Variants in TNK2 observed in about 807,000 individuals in gnomAD.
TNK2 encodes tyrosine kinase non receptor 2, also known as activated CDC42 kinase 1.
In TNK2, 83 loss-of-function variants were observed where a neutral mutation model predicts 101.8. The observed-to-expected ratio is 0.82, with a 90% CI of 0.68 to 0.98. The LOEUF is 0.98. TNK2 is among the 50% of genes least tolerant of loss of function. TNK2 has a pLI of 0.00. For missense variants in TNK2, 1,665 were observed against 1,483.2 expected, an observed-to-expected ratio of 1.12 and a Z score of -2.01; for synonymous variants, 804 against 633.0, an observed-to-expected ratio of 1.27 and a Z score of -4.06.
In TNK2 at chr3:195,868,344, C is replaced by T. The variant is rs555967551; in HGVS notation, c.1954G>A (p.Asp652Asn). 4.2e-5 allele frequency: 67 copies of T among 1,599,410 alleles called. No homozygotes were observed. The highest frequency in any genetic ancestry group is 4.2e-4 in the Admixed American group (25 of 59,682). The change falls in exon 13 of 16, where the codon GAC (aspartate) becomes AAC (asparagine). Residue 652 changes from aspartate (D) to asparagine (N), a missense_variant. By Grantham distance (23) the Asp-to-Asn change is conservative. Transcript: ENST00000672887. ...RPLPPPPAYD[D>N]VAQDEDDFEI... ...AAGTCATCCTCATCCTGGGCCACGTCGTCATAGGCGGGCGGGGGGGGCAGC... is the reference window on the plus strand; with the variant it reads ...AAGTCATCCTCATCCTGGGCCACGTTGTCATAGGCGGGCGGGGGGGGCAGC...
intron 1 of TNK2, chr3:195,896,409 C>G: frequency 3.3e-6 from 1 of 301,560 alleles, no homozygotes; most frequent in Non-Finnish European, 6.6e-6. Context: ...ACGGCCCACT[C>G]TCCTCACACA....
At chr3:195,903,449 G>A (rs560559193) in intron 1 of TNK2, among the ~76,000 whole-genome samples, 7 of 152,158 alleles carry the variant, frequency 4.6e-5, no homozygotes, top group Non-Finnish European at 8.8e-5. Context: ...GGGCTTGGTG[G>A]CCCACCCCCA....
Position 195,885,775 on chromosome 3 carries a change from A to G in TNK2, c.235-742T>C, listed in dbSNP as rs539716999. On this transcript the variant is annotated intron_variant, in intron 3 of 15. Coordinates refer to ENST00000672887, the MANE Select transcript of TNK2 (RefSeq NM_001382273.1). This position sits in a 1 kb window ranked among gnomAD's most constrained non-coding sequence, Gnocchi z 4.7. ...GAAGAAAGGAGGCCATGAGGGTCAAAGCTGGCCACGTCGGTCTGACTCGGC... is the reference window on the plus strand; with the variant it reads ...GAAGAAAGGAGGCCATGAGGGTCAAGGCTGGCCACGTCGGTCTGACTCGGC... 22 of 372,718 alleles carry G rather than the reference A, an allele frequency of 5.9e-5. No individual in the cohort carries two copies. The highest frequency in any genetic ancestry group is 4.0e-4 in the South Asian group (19 of 47,870). 23.1% of individuals were successfully genotyped at this position (372,718 alleles called of 1,614,324 possible). A position where few individuals can be genotyped will look rare whatever the true frequency, so the allele number is the denominator to read the frequency against.
chr3:195,869,229 C>T (rs1743085419), intron 12 of TNK2: 3 of 590,950 alleles, frequency 5.1e-6, no homozygotes, highest in South Asian at 4.0e-5. Context: ...GCCAGGGCCA[C>T]ACTCGTGCTC....
At chr3:195,899,419 C>T (rs1760979581) in intron 1 of TNK2, among the ~76,000 whole-genome samples, 1 of 152,002 alleles carries the variant, frequency 6.6e-6, no homozygotes, top group South Asian at 2.1e-4. Context: ...CTCTGCCTCC[C>T]GGGTTTAAGC....
chr3:195,883,286 C>T lies in TNK2; in HGVS notation c.480G>A (p.Leu160=). The change falls in exon 5 of 16, where the codon CTG becomes CTA. Residue 160 remains leucine (L), a synonymous_variant. Coordinates refer to ENST00000672887, the MANE Select transcript of TNK2 (RefSeq NM_001382273.1). ...CTGGCTGGCTCAGGACATCGGGCTT[C>T]AGGCACTTCACAGCCACACTCACCT... ...GKTVSVAVKC[L]KPDVLSQPEA... 2 of 1,613,414 alleles carry T rather than the reference C, an allele frequency of 1.2e-6. No homozygotes were observed. Among genetic ancestry groups the T allele is most frequent in the Non-Finnish European group, 1.7e-6 (2 of 1,180,026 alleles).
chr3:195,905,188 C>A (rs894030142), intron 1 of TNK2, among the ~76,000 whole-genome samples: 1 of 152,106 alleles, frequency 6.6e-6, no homozygotes, highest in Non-Finnish European at 1.5e-5. Flanking sequence ...TAGACACACA[C>A]AAACAATTGA....
chr3:195,876,704 A>G (rs1289706230), intron 9 of TNK2: 1 of 450,948 alleles, frequency 2.2e-6, no homozygotes, highest in African/African-American at 2.0e-5. Context: ...CCCCACCAGC[A>G]GCAGCCACAG....
Position 195,878,521 on chromosome 3 carries a change from G to A in TNK2, c.1086C>T (p.Asn362=), listed in dbSNP as rs142476959. Residue 362 remains asparagine, a synonymous_variant, in exon 8 of 16, where the codon AAC becomes AAT. Coordinates refer to ENST00000672887, the MANE Select transcript of TNK2 (RefSeq NM_001382273.1). This position sits in a 1 kb window ranked among gnomAD's most constrained non-coding sequence, Gnocchi z 4.7. ...TGTGAGCCCAGCACTGGACCATGAC[G>A]TTGTAGATGTCCTGGGGACAGTCCT... ...RPEDCPQDIY[N]VMVQCWAHKP... 1.1e-3 allele frequency: 1,796 copies of A among 1,613,736 alleles called. 1 individual carries two copies. Among genetic ancestry groups the A allele is most frequent in the Non-Finnish European group, 1.4e-3 (1,711 of 1,180,046 alleles).
intron 4 of TNK2, 51 bp from the exon 5 acceptor site, chr3:195,883,360 C>T (rs767652815): frequency 2.2e-5 from 36 of 1,602,864 alleles, no homozygotes; most frequent in South Asian, 4.4e-5. Flanking sequence ...GTCCCAGACA[C>T]GCGGAGCCAA....
chr3:195,887,645 ACAT>A (rs1756311122), intron 2 of TNK2, among the ~76,000 whole-genome samples: 1 of 152,226 alleles, frequency 6.6e-6, no homozygotes, highest in Admixed American at 6.5e-5. Context: ...TCTATGAAGA[ACAT>A]CATGACTTTT....
rs760610604 is a variant in TNK2, at chr3:195,882,278, G to A, written c.660C>T (p.His220=). Residue 220 remains histidine, a synonymous_variant, in exon 6 of 16, where the codon CAC becomes CAT. Coordinates refer to ENST00000672887, the MANE Select transcript of TNK2 (RefSeq NM_001382273.1). The surrounding 1 kb of genome is among the most constrained non-coding windows in gnomAD (Gnocchi z 4.2). ...LGSLLDRLRK[H]QGHFLLGTLS... ...GAGTCCCCAGGAGGAAGTGGCCCTGGTGCTTACGTAGCCGGTCCAACAACG... is the reference window on the plus strand; with the variant it reads ...GAGTCCCCAGGAGGAAGTGGCCCTGATGCTTACGTAGCCGGTCCAACAACG... 6.2e-7 allele frequency: 1 copy of A among 1,613,560 alleles called. No individual in the cohort carries two copies. The highest frequency in any genetic ancestry group is 1.7e-5 in the Admixed American group (1 of 60,006).
intron 5 of TNK2, 89 bp downstream of exon 5, chr3:195,883,066 CCT>C: frequency 1.3e-6 from 2 of 1,507,232 alleles, no homozygotes; most frequent in Non-Finnish European, 1.8e-6. Flanking sequence ...ATCTAGGGCG[CCT>C]CTGACCTTAG....
intron 1 of TNK2, among the ~76,000 whole-genome samples, chr3:195,898,198 G>A (rs895883266): frequency 2.6e-5 from 4 of 151,890 alleles, no homozygotes; most frequent in Non-Finnish European, 4.4e-5. Context: ...CTCCTCCTCC[G>A]TCCTCCACCT....
Position 195,886,108 on chromosome 3 carries a change from A to C in TNK2, c.234+869T>G. The C allele has an allele frequency of 6.4e-6, 1 of 155,146 alleles. No individual in the cohort carries two copies. Among genetic ancestry groups the C allele is most frequent in the Non-Finnish European group, 1.4e-5 (1 of 70,076 alleles). 9.6% of individuals were successfully genotyped at this position (155,146 alleles called of 1,614,324 possible). A position where few individuals can be genotyped will look rare whatever the true frequency, so the allele number is the denominator to read the frequency against. On this transcript the variant is annotated intron_variant, in intron 3 of 15. Transcript: ENST00000672887. This position sits in a 1 kb window ranked among gnomAD's most constrained non-coding sequence, Gnocchi z 4.2. ...CACAACAAAAATCTGGAGGCCACTG[A>C]CCGCCCAGGGACCTATCAGGAGCCA... is the stretch of plus-strand genomic sequence containing the variant.
chr3:195,883,582 A>C, intron 4 of TNK2: 1 of 413,956 alleles, frequency 2.4e-6, no homozygotes, highest in Non-Finnish European at 4.5e-6. Flanking sequence ...GTAAGAGATA[A>C]CCAGTATGAT....
At chr3:195,881,834 T>A (rs898771774) in intron 6 of TNK2, among the ~76,000 whole-genome samples, 2 of 152,034 alleles carry the variant, frequency 1.3e-5, no homozygotes, top group Non-Finnish European at 2.9e-5. Flanking sequence ...ACAGCATGTA[T>A]CCCTGTGATT....
intron 9 of TNK2, among the ~76,000 whole-genome samples, chr3:195,873,650 G>A (rs1344336848): frequency 6.6e-6 from 1 of 152,186 alleles, no homozygotes; most frequent in Non-Finnish European, 1.5e-5. Context: ...GTGAAGAAGG[G>A]CTCCTCTGAA....
At chr3:195,900,419 C>T (rs533974052) in intron 1 of TNK2, among the ~76,000 whole-genome samples, 1 of 152,302 alleles carries the variant, frequency 6.6e-6, no homozygotes, top group South Asian at 2.1e-4. Flanking sequence ...TGACCCAGTC[C>T]ACACTGAACC....
Sources: gnomAD v4.1 joint callset for allele counts (sites outside exome capture counted in the v4.1 genomes callset) on GRCh38, gnomAD v4.1.1 for gene constraint, Gnocchi (gnomAD v3.1) non-coding constraint, MANE v1.5 for transcripts, NCBI Gene and HGNC (gene_info 2026-07-23, HGNC 2026-07-21) for gene names.